The following FAP variants were observed in gnomAD, a reference collection of about 807,000 sequenced individuals.
FAP encodes prolyl endopeptidase FAP.
In FAP, 110 loss-of-function variants were observed where a neutral mutation model predicts 126.5. That is an observed-to-expected ratio of 0.87 (90% CI 0.74 to 1.02). The LOEUF is 1.02. Among genes scored for constraint, FAP ranks in the 50% least tolerant of loss-of-function variants. The pLI, the probability that FAP is intolerant of heterozygous loss-of-function variation, is 0.00. For missense variants in FAP, 919 were observed against 909.2 expected (o/e 1.01, Z -0.14); for synonymous variants, 334 against 297.3 (o/e 1.12, Z -1.27).
chr2:162,193,084 G>C (rs1688112563), intron 17 of FAP, among the ~76,000 whole-genome samples: 1 of 152,130 alleles, frequency 6.6e-6, no homozygotes, highest in Non-Finnish European at 1.5e-5. Flanking sequence ...CCAGGACCTA[G>C]CACAGTGCCT....
At chr2:162,229,607 GT>G (rs1247991339) in intron 2 of FAP, among the ~76,000 whole-genome samples, 1 of 151,970 alleles carries the variant, frequency 6.6e-6, no homozygotes. Flanking sequence ...AAAAACAACA[GT>G]TTCAAATTAC....
intron 20 of FAP, among the ~76,000 whole-genome samples, chr2:162,186,077 C>T (rs1041877144): frequency 6.6e-6 from 1 of 152,154 alleles, no homozygotes; most frequent in Non-Finnish European, 1.5e-5. Flanking sequence ...AAAGTTTGAT[C>T]TAACAACAAT....
At chr2:162,179,245 GTTT>G (rs10708873) in intron 21 of FAP, among the ~76,000 whole-genome samples, 44 of 108,834 alleles carry the variant, frequency 4.0e-4, no homozygotes, top group East Asian at 1.5e-3. Context: ...AACTTGACAG[GTTT>G]TTTTTTTTTT....
chr2:162,211,942 AT>A (rs1688953921), intron 11 of FAP, among the ~76,000 whole-genome samples: 2 of 152,134 alleles, frequency 1.3e-5, no homozygotes, highest in Non-Finnish European at 2.9e-5. Context: ...AGTCATGAGG[AT>A]GGTTTCTGGG....
In FAP at chr2:162,225,432, A is replaced by G. The variant is rs369069105; in HGVS notation, c.285+51T>C. The G allele has an allele frequency of 9.6e-6, 15 of 1,569,140 alleles. 1 individual carries two copies. Among genetic ancestry groups the G allele is most frequent in the Admixed American group, 5.6e-5 (3 of 53,876 alleles). On this transcript the variant is annotated intron_variant, in intron 4 of 25. Transcript: ENST00000188790. Reference sequence around the variant, plus strand: ...GACTTTGAACTCTGTTTCTTGGTCAATGAAGAGTGGGCAAAGGTTTCTGAG... The same window carrying G: ...GACTTTGAACTCTGTTTCTTGGTCAGTGAAGAGTGGGCAAAGGTTTCTGAG...
intron 10 of FAP, among the ~76,000 whole-genome samples, chr2:162,214,310 C>T (rs894705277): frequency 4.6e-5 from 7 of 152,074 alleles, no homozygotes; most frequent in African/African-American, 1.7e-4. Flanking sequence ...TGAGTTTTCT[C>T]CCCGTTTCTG....
At chr2:162,171,257 T>C in intron 25 of FAP, 177 bp from the exon 26 acceptor site, 1 of 555,352 alleles carries the variant, frequency 1.8e-6, no homozygotes, top group Non-Finnish European at 3.2e-6. Context: ...AGAGCTTTCG[T>C]TAACCTCCAC....
At chr2:162,212,099 T>C (rs1402140472) in intron 11 of FAP, among the ~76,000 whole-genome samples, 1 of 152,204 alleles carries the variant, frequency 6.6e-6, no homozygotes, top group African/African-American at 2.4e-5. Flanking sequence ...AAAACTAAAG[T>C]TTATATTCCA....
At chr2:162,199,269 A>C (rs762192095) in intron 15 of FAP, among the ~76,000 whole-genome samples, 2 of 152,218 alleles carry the variant, frequency 1.3e-5, no homozygotes, top group Admixed American at 6.5e-5. Context: ...ATAGCAAGAA[A>C]ATCTGGCAGT....
At chr2:162,226,496 A>T (rs188833755) in intron 3 of FAP, 27 bp downstream of exon 3, 5 of 1,226,046 alleles carry the variant, frequency 4.1e-6, no homozygotes, top group Non-Finnish European at 5.8e-6. Flanking sequence ...CATAAAAAAA[A>T]CCCCTAAAGA....
At position 162,240,961 on chromosome 2, in the gene FAP, C is replaced by T. The variant is rs12472813; in HGVS notation, c.91+1947G>A. On this transcript the variant is annotated intron_variant, in intron 2 of 25. Transcript: ENST00000188790. Reference sequence around the variant, plus strand: ...GAAAGGAGGAAAATTAGGAGGCCACCACGCCTAACTTCAGGGCTGCCTGTG... The same window carrying T: ...GAAAGGAGGAAAATTAGGAGGCCACTACGCCTAACTTCAGGGCTGCCTGTG... 2.9e-3 allele frequency among the ~76,000 whole-genome samples: 442 copies of T among 152,222 alleles called. 5 individuals carry two copies. The highest frequency in any genetic ancestry group is 0.025 in the Admixed American group (384 of 15,286).
chr2:162,223,559 C>T, intron 6 of FAP, 49 bp downstream of exon 6: 3 of 1,149,246 alleles, frequency 2.6e-6, no homozygotes, highest in Non-Finnish European at 3.9e-6. Flanking sequence ...GGAATGAAAA[C>T]ATTCTAGGTA....
chr2:162,182,119 A>G (rs1404691935), intron 21 of FAP, among the ~76,000 whole-genome samples: 2 of 152,196 alleles, frequency 1.3e-5, no homozygotes, highest in Non-Finnish European at 2.9e-5. Context: ...TCAGGCTGAT[A>G]GGGATGTATT....
intron 21 of FAP, among the ~76,000 whole-genome samples, chr2:162,180,195 T>C (rs1687649269): frequency 6.6e-6 from 1 of 152,136 alleles, no homozygotes; most frequent in African/African-American, 2.4e-5. Context: ...AGGCCTTGCA[T>C]GCCAGGAAAG....
Position 162,170,783 on chromosome 2 carries a change from A to G in FAP, c.*196T>C, listed in dbSNP as rs376058488. 1.2e-4 allele frequency: 61 copies of G among 517,056 alleles called. 1 individual carries two copies. The highest frequency in any genetic ancestry group is 1.0e-3 in the African/African-American group (53 of 52,596). The allele number at this position is 517,056 out of a possible 1,614,324, so 32.0% of individuals were successfully genotyped here. A position where few individuals can be genotyped will look rare whatever the true frequency, so the allele number is the denominator to read the frequency against. On this transcript the variant is annotated 3_prime_UTR_variant, in exon 26 of 26. Transcript: ENST00000188790. ...GCATGACTCCCTTTTCTCTTCTTTC[A>G]CAGAGTACCAGAAAATGTAAACAAT...
rs369985168 is a variant in FAP at position 162,173,737 on chromosome 2, G to A, written c.2020C>T (p.Leu674Phe). The A allele has an allele frequency of 2.5e-6, 4 of 1,601,494 alleles. No homozygotes were observed. Among genetic ancestry groups the A allele is most frequent in the East Asian group, 2.2e-5 (1 of 44,778 alleles). Residue 674 changes from leucine (L) to phenylalanine (F), a missense_variant, in exon 23 of 26, where the codon CTT becomes TTT. By Grantham distance (22) the Leu-to-Phe change is conservative. Coordinates refer to ENST00000188790, the MANE Select transcript of FAP (RefSeq NM_004460.5). The stretch of plus-strand genomic sequence containing the variant: ...GAAACACTTACCTTATAGTGCTCAA[G>A]ATTATCATCCTTTGTTGGGAGACCC... ...FMGLPTKDDN[L>F]EHYKNSTVMA...
intron 8 of FAP, 37 bp downstream of exon 8, chr2:162,219,026 C>G: frequency 6.6e-7 from 1 of 1,514,646 alleles, no homozygotes; most frequent in South Asian, 1.2e-5. Flanking sequence ...AAATTAAAAG[C>G]CTAAAGCATT....
At chr2:162,176,666 A>G (rs568735715) in intron 21 of FAP, 1 of 152,162 alleles carries the variant, frequency 6.6e-6, no homozygotes, top group South Asian at 2.1e-4. Flanking sequence ...AGACCTTTAG[A>G]AAAAAATTAT....
intron 6 of FAP, among the ~76,000 whole-genome samples, chr2:162,223,370 T>A (rs1380045004): frequency 6.6e-6 from 1 of 152,042 alleles, no homozygotes; most frequent in Non-Finnish European, 1.5e-5. Context: ...AAACAGAAAA[T>A]CCAAAACTAT....
Sources: allele counts gnomAD v4.1 joint callset (sites outside exome capture counted in the v4.1 genomes callset), GRCh38; gene constraint gnomAD v4.1.1; transcripts MANE v1.5; gene names NCBI Gene and HGNC (gene_info 2026-07-23, HGNC 2026-07-21).